Variants in SNTG2 observed in about 807,000 individuals in gnomAD.
SNTG2 encodes the protein syntrophin gamma 2.
SNTG2 carries 74 observed loss-of-function variants against 70.9 expected under a neutral mutation model. The observed-to-expected ratio is 1.04, with a 90% CI of 0.86 to 1.27. The LOEUF is 1.27. Among genes scored for constraint, SNTG2 ranks in the 50% most tolerant of loss-of-function variants. The probability of loss-of-function intolerance (pLI) is 0.00; values close to 1 mark genes in which losing one functional copy is unlikely to be tolerated. For missense variants in SNTG2, 717 were observed against 690.7 expected (o/e 1.04, Z -0.43); for synonymous variants, 278 against 273.8 (o/e 1.02, Z -0.15).
intron 1 of SNTG2, among the ~76,000 whole-genome samples, chr2:986,485 T>C (rs1035129174): frequency 1.3e-5 from 2 of 152,222 alleles, no homozygotes; most frequent in South Asian, 4.1e-4. Flanking sequence ...TGGACAGATG[T>C]TGTGAATGAG....
Position 1,353,537 on chromosome 2 carries a change from T to A in SNTG2, c.1489-13806T>A, listed in dbSNP as rs1660692356. On this transcript the variant is annotated intron_variant, in intron 16 of 16. Transcript: ENST00000308624. This position sits in a 1 kb window ranked among gnomAD's most constrained non-coding sequence, Gnocchi z 4.2. ...TTCAAGTCTTGCTTTGAGGGCCAAG[T>A]CCCCACAGCCACCTCCTTGAATTCA... is the stretch of plus-strand genomic sequence containing the variant. 6.6e-6 allele frequency among the ~76,000 whole-genome samples: 1 copy of A among 152,084 alleles called. No individual in the cohort carries two copies. Among genetic ancestry groups the A allele is most frequent in the South Asian group, 2.1e-4 (1 of 4,824 alleles).
At chr2:1,120,529 A>T (rs1042785506) in intron 4 of SNTG2, among the ~76,000 whole-genome samples, 2 of 152,226 alleles carry the variant, frequency 1.3e-5, no homozygotes, top group African/African-American at 4.8e-5. Flanking sequence ...ATCTTTAAGG[A>T]CACACACATA....
At chr2:994,270 C>T (rs1279605867) in intron 1 of SNTG2, among the ~76,000 whole-genome samples, 1 of 152,032 alleles carries the variant, frequency 6.6e-6, no homozygotes, top group Non-Finnish European at 1.5e-5. Context: ...TTCTTCTCTC[C>T]TTTGAATTGT....
rs190254613 is a variant in SNTG2, at chr2:988,086, A to G, written c.72+37018A>G. ...CGCCCCTTTGGCAGGACGCAGTCAC[A>G]TACTGACTTTCCGTTCCTTTAAGAA... On this transcript the variant is annotated intron_variant, in intron 1 of 16. Coordinates refer to ENST00000308624, the MANE Select transcript of SNTG2 (RefSeq NM_018968.4). 4.4e-3 allele frequency among the ~76,000 whole-genome samples: 670 copies of G among 152,336 alleles called. 6 individuals are homozygous for G. Among genetic ancestry groups the G allele is most frequent in the African/African-American group, 0.014 (590 of 41,588 alleles).
At chr2:1,095,962 C>T (rs940536940) in intron 2 of SNTG2, among the ~76,000 whole-genome samples, 7 of 152,164 alleles carry the variant, frequency 4.6e-5, no homozygotes, top group Non-Finnish European at 8.8e-5. Context: ...CTCCCCACTC[C>T]CTCAGTTGGC....
chr2:1,047,525 A>G (rs566137776), intron 1 of SNTG2, among the ~76,000 whole-genome samples: 53 of 152,216 alleles, frequency 3.5e-4, no homozygotes, highest in Non-Finnish European at 6.9e-4. Context: ...ATTTGTGTAC[A>G]GTCAGTTGGC....
At position 1,223,410 on chromosome 2, in the gene SNTG2, G is replaced by T. The variant is rs145261099; in HGVS notation, c.719+14180G>T. ...AGAGGAAAGCAGCGCAGTGATGGAG[G>T]GCGTCTCCCTGTCCTGCCTGCAGCC... On this transcript the variant is annotated intron_variant, in intron 9 of 16. Coordinates refer to ENST00000308624, the MANE Select transcript of SNTG2 (RefSeq NM_018968.4). Among the ~76,000 whole-genome samples the T allele has an allele frequency of 9.8e-3, 1,475 of 150,926 alleles. 27 individuals carry two copies. The highest frequency in any genetic ancestry group is 0.034 in the African/African-American group (1,406 of 40,848).
At chr2:1,322,234 T>G (rs1386280983) in intron 16 of SNTG2, among the ~76,000 whole-genome samples, 1 of 152,162 alleles carries the variant, frequency 6.6e-6, no homozygotes, top group Non-Finnish European at 1.5e-5. Flanking sequence ...TAAATTGAAG[T>G]TAAAGCATTC....
rs757487370 is a variant in SNTG2, at chr2:1,308,670, G to A, written c.1377+84G>A. The A allele has an allele frequency of 1.2e-5, 14 of 1,154,710 alleles. No individual in the cohort carries two copies. In the East Asian group the frequency reaches 3.3e-4, roughly 27 times the overall value. 71.5% of individuals were successfully genotyped at this position (1,154,710 alleles called of 1,614,324 possible). ...TGGGCGTTAACACTCACGCATGTCT[G>A]GTAGAAGCCACCAACCTTGCTGGAT... is the stretch of plus-strand genomic sequence containing the variant. On this transcript the variant is annotated intron_variant, in intron 15 of 16. Coordinates refer to ENST00000308624, the MANE Select transcript of SNTG2 (RefSeq NM_018968.4).
At chr2:954,870 T>C (rs985854919) in intron 1 of SNTG2, among the ~76,000 whole-genome samples, 2 of 152,250 alleles carry the variant, frequency 1.3e-5, no homozygotes, top group Non-Finnish European at 2.9e-5. Context: ...ATGCTGTGAA[T>C]ATGAGGATGT....
chr2:1,348,373 C>T (rs1156514793), intron 16 of SNTG2, among the ~76,000 whole-genome samples: 1 of 152,204 alleles, frequency 6.6e-6, no homozygotes, highest in African/African-American at 2.4e-5. Flanking sequence ...GCATTAACAT[C>T]AACATATTCT....
chr2:1,211,469 C>T (rs560061311), intron 9 of SNTG2, among the ~76,000 whole-genome samples: 1 of 152,226 alleles, frequency 6.6e-6, no homozygotes, highest in Admixed American at 6.5e-5. Flanking sequence ...AGGATAGGGT[C>T]TCTACTTGTA....
At chr2:1,299,521 CAGA>C (rs1282050784) in intron 14 of SNTG2, among the ~76,000 whole-genome samples, 3 of 152,202 alleles carry the variant, frequency 2.0e-5, no homozygotes, top group South Asian at 2.1e-4. Flanking sequence ...CTCCTTTTCT[CAGA>C]AGATCACTGG....
intron 1 of SNTG2, among the ~76,000 whole-genome samples, chr2:1,034,245 G>A (rs1336834773): frequency 1.3e-5 from 2 of 151,964 alleles, no homozygotes; most frequent in Non-Finnish European, 2.9e-5. Flanking sequence ...TGGAATAATG[G>A]CCTCCAGCTC....
At chr2:1,312,512 G>T (rs1203985395) in intron 15 of SNTG2, among the ~76,000 whole-genome samples, 6 of 152,210 alleles carry the variant, frequency 3.9e-5, no homozygotes, top group Admixed American at 3.9e-4. Flanking sequence ...TCCAGGAGGG[G>T]TGCCGCCTGA....
chr2:1,322,957 C>T (rs1308603471), intron 16 of SNTG2, among the ~76,000 whole-genome samples: 1 of 152,138 alleles, frequency 6.6e-6, no homozygotes. Context: ...ATTCATAGGG[C>T]ACATTCACTT....
rs1553307635 is a variant in SNTG2 at position 1,007,058 on chromosome 2, A to AATAAATAAATGT, written c.72+55992_72+55993insAAATAAATGTAT. On this transcript the variant is annotated intron_variant, in intron 1 of 16. Transcript: ENST00000308624. ...AAATAAATAAATAAATAAATAAATA[A>AATAAATAAATGT]ATGTGTATATATATATGTATGTATA... Among the ~76,000 whole-genome samples, 471 of 70,320 alleles carry AATAAATAAATGT rather than the reference A, an allele frequency of 6.7e-3. 15 individuals carry two copies. Among genetic ancestry groups the AATAAATAAATGT allele is most frequent in the African/African-American group, 0.019 (409 of 21,220 alleles). The allele number at this position is 70,320 out of a possible 152,430, so 46.1% of individuals were successfully genotyped here. A position where few individuals can be genotyped will look rare whatever the true frequency, so the allele number is the denominator to read the frequency against.
chr2:1,067,065 G>A (rs964974327), intron 1 of SNTG2, among the ~76,000 whole-genome samples: 2 of 151,354 alleles, frequency 1.3e-5, no homozygotes, highest in Admixed American at 6.6e-5. Flanking sequence ...TAAGAAAATC[G>A]CTCAAATTTG....
chr2:951,634 C>T (rs1317872381), intron 1 of SNTG2, among the ~76,000 whole-genome samples: 1 of 152,180 alleles, frequency 6.6e-6, no homozygotes, highest in African/African-American at 2.4e-5. Context: ...TGGTTCCCAC[C>T]CTAAATAACT....
Sources: gnomAD v4.1 joint callset for allele counts (sites outside exome capture counted in the v4.1 genomes callset) on GRCh38, gnomAD v4.1.1 for gene constraint, Gnocchi (gnomAD v3.1) non-coding constraint, MANE v1.5 for transcripts, NCBI Gene and HGNC (gene_info 2026-07-23, HGNC 2026-07-21) for gene names.